Variants in RNF38 observed in about 807,000 individuals in gnomAD.
The protein encoded by RNF38 is E3 ubiquitin-protein ligase RNF38.
RNF38 carries 15 observed loss-of-function variants against 67.2 expected under a neutral mutation model. The observed-to-expected ratio is 0.22, with a 90% CI of 0.15 to 0.34. RNF38 has a LOEUF of 0.34. Ranked by LOEUF, RNF38 falls within the 10% of genes least tolerant of loss-of-function variation. The pLI is 1.00. For synonymous variants in RNF38, 220 were observed against 218.8 expected (o/e 1.01, Z -0.05); for missense variants, 524 against 639.9 (o/e 0.82, Z 1.95).
At chr9:36,408,606 G>A (rs768977932) in intron 2 of RNF38, among the ~76,000 whole-genome samples, 3 of 152,120 alleles carry the variant, frequency 2.0e-5, no homozygotes, top group Non-Finnish European at 2.9e-5. Flanking sequence ...TAATCTAGGA[G>A]CTGGGCCTAA....
At chr9:36,374,508 C>T (rs1315341718) in intron 3 of RNF38, among the ~76,000 whole-genome samples, 1 of 152,120 alleles carries the variant, frequency 6.6e-6, no homozygotes, top group Admixed American at 6.5e-5. Flanking sequence ...CAGAGTCTTG[C>T]TCTGTCTCCA....
intron 4 of RNF38, among the ~76,000 whole-genome samples, chr9:36,364,282 T>A (rs534204233): frequency 7.2e-5 from 11 of 152,312 alleles, no homozygotes; most frequent in African/African-American, 1.7e-4. Flanking sequence ...ATGATTTTTT[T>A]AATCACACTT....
chr9:36,411,313 T>C (rs934135660), intron 2 of RNF38, among the ~76,000 whole-genome samples: 4 of 152,156 alleles, frequency 2.6e-5, no homozygotes, highest in South Asian at 2.1e-4. Context: ...CTCTGCACTG[T>C]TGGTGGGAAT....
At chr9:36,410,254 CAG>C (rs1280438084) in intron 2 of RNF38, among the ~76,000 whole-genome samples, 1 of 152,162 alleles carries the variant, frequency 6.6e-6, no homozygotes, top group Non-Finnish European at 1.5e-5. Flanking sequence ...TGAATGGAGA[CAG>C]ATTTCCTAAA....
chr9:36,394,308 C>G (rs917953423), intron 1 of RNF38, among the ~76,000 whole-genome samples: 2 of 151,984 alleles, frequency 1.3e-5, no homozygotes, highest in African/African-American at 4.8e-5. Flanking sequence ...ACAGCTCCTG[C>G]AAGGTAAGAC....
chr9:36,468,241 TAAAAA>T (rs201229836), intron 1 of RNF38, among the ~76,000 whole-genome samples: 2 of 132,660 alleles, frequency 1.5e-5, no homozygotes, highest in African/African-American at 5.6e-5. Context: ...TGTTCTGTCT[TAAAAA>T]AAAAAAAAAA....
intron 1 of RNF38, among the ~76,000 whole-genome samples, chr9:36,393,524 G>GTGTGTGTGTGTGTGTGTGTGTGT (rs1554689613): frequency 5.9e-5 from 5 of 84,300 alleles, no homozygotes; most frequent in Non-Finnish European, 1.1e-4. Flanking sequence ...TGTGTGTGTG[G>GTGTGTGTGTGTGTGTGTGTGTGT]GGCAGGCAGT....
At position 36,414,279 on chromosome 9, in the gene RNF38, C is replaced by T. The variant is rs1214017566; in HGVS notation, n.312+10334G>A. On this transcript the variant is annotated intron_variant and non_coding_transcript_variant, in intron 2 of 3. Transcript: ENST00000488058. ...AGATGTTAGCTACTATTCTATTCAT[C>T]GTTCTCGCTGCTGCCTGAATATCTT... Among the ~76,000 whole-genome samples the T allele has an allele frequency of 7.2e-5, 11 of 152,314 alleles. No homozygotes were observed. The East Asian group carries it at 1.3e-3, about 19-fold the overall frequency.
chr9:36,361,733 T>C (rs1256364231), intron 4 of RNF38, among the ~76,000 whole-genome samples: 2 of 152,100 alleles, frequency 1.3e-5, no homozygotes, highest in African/African-American at 4.8e-5. Context: ...ATCAAGGGAG[T>C]TGGTGATGCA....
rs1453030481 is a variant in RNF38 at position 36,411,174 on chromosome 9, AC to A, written n.312+13438del. Among the ~76,000 whole-genome samples the A allele has an allele frequency of 6.6e-4, 100 of 150,996 alleles. 1 individual carries two copies. The highest frequency in any genetic ancestry group is 2.4e-3 in the African/African-American group (97 of 40,890). On this transcript the variant is annotated intron_variant and non_coding_transcript_variant, in intron 2 of 3. Transcript: ENST00000488058. ...CTGAACAGCAAAAAAAAAAAAAAAA[AC>A]CTGATTAAAAAATGGCAAAAGGAAG... is the stretch of plus-strand genomic sequence containing the variant.
At chr9:36,356,888 A>T (rs1220308365) in intron 5 of RNF38, among the ~76,000 whole-genome samples, 1 of 152,150 alleles carries the variant, frequency 6.6e-6, no homozygotes, top group Non-Finnish European at 1.5e-5. Flanking sequence ...TTTTCATAAG[A>T]GCACAACTCT....
intron 2 of RNF38, among the ~76,000 whole-genome samples, chr9:36,414,707 G>T (rs760306288): frequency 8.8e-4 from 127 of 144,764 alleles, no homozygotes; most frequent in Non-Finnish European, 1.6e-3. Context: ...AAAAAAAAAA[G>T]ATTTAGAACT....
At chr9:36,440,650 A>G (rs900745567) in intron 1 of RNF38, among the ~76,000 whole-genome samples, 4 of 152,242 alleles carry the variant, frequency 2.6e-5, no homozygotes, top group Non-Finnish European at 4.4e-5. Flanking sequence ...AGGCCCTGTT[A>G]TCTAAACATA....
chr9:36,414,578 C>T (rs774001477), intron 2 of RNF38, among the ~76,000 whole-genome samples: 9 of 150,148 alleles, frequency 6.0e-5, no homozygotes, highest in African/African-American at 1.5e-4. Flanking sequence ...CCCAGCTACT[C>T]GGGAGGCTGA....
At position 36,337,498 on chromosome 9, in the gene RNF38, T is replaced by TTAGA. The variant is rs1168605178; in HGVS notation, c.*2250_*2253dup. 1.3e-5 allele frequency: 2 copies of TTAGA among 152,646 alleles called. No homozygotes were observed. The highest frequency in any genetic ancestry group is 3.8e-4 in the East Asian group (2 of 5,204). 9.5% of individuals were successfully genotyped at this position (152,646 alleles called of 1,614,324 possible). On this transcript the variant is annotated 3_prime_UTR_variant, in exon 12 of 12. Coordinates refer to ENST00000259605, the MANE Select transcript of RNF38 (RefSeq NM_022781.5). ...TCATTAGTACAATGTGCTGTGTTAA[T>TTAGA]TAGATACCTCTATATAAATTAGAAA...
chr9:36,434,351 G>C (rs1339683463), intron 1 of RNF38, among the ~76,000 whole-genome samples: 3 of 128,548 alleles, frequency 2.3e-5, no homozygotes, highest in African/African-American at 5.8e-5. Context: ...GAGGGCAGGG[G>C]AGGAGGATGG....
intron 1 of RNF38, among the ~76,000 whole-genome samples, chr9:36,397,326 C>A (rs559862219): frequency 6.6e-6 from 1 of 152,024 alleles, no homozygotes. Flanking sequence ...ATTATTCAGG[C>A]TGGTTTCAAA....
chr9:36,479,514 C>T (rs1355620384), intron 1 of RNF38, among the ~76,000 whole-genome samples: 1 of 152,100 alleles, frequency 6.6e-6, no homozygotes, highest in Non-Finnish European at 1.5e-5. Context: ...AATCACCATG[C>T]CCAGAAGACC....
intron 2 of RNF38, among the ~76,000 whole-genome samples, chr9:36,383,206 G>A (rs748967753): frequency 2.1e-4 from 32 of 152,116 alleles, no homozygotes; most frequent in Non-Finnish European, 1.9e-4. Flanking sequence ...CGTAAAATGT[G>A]GTTTTTTGGT....
Sources: allele counts gnomAD v4.1 joint callset (sites outside exome capture counted in the v4.1 genomes callset), GRCh38; gene constraint gnomAD v4.1.1; transcripts MANE v1.5; gene names NCBI Gene and HGNC (gene_info 2026-07-23, HGNC 2026-07-21).